The following ALK variants were observed in gnomAD, a reference collection of about 807,000 sequenced individuals.
The protein encoded by ALK is ALK receptor tyrosine kinase, also known as ALK tyrosine kinase receptor.
Under a neutral mutation model 163.1 loss-of-function variants are expected in ALK, and 74 were observed. The ratio of observed to expected loss-of-function variants is 0.45; its 90% CI spans 0.38 to 0.55. The LOEUF (loss-of-function observed/expected upper bound fraction) is 0.55. Among genes scored for constraint, ALK ranks in the 20% least tolerant of loss-of-function variants. The pLI is 0.00. For synonymous variants in ALK, 960 were observed against 843.2 expected (o/e 1.14, Z -2.40); for missense variants, 2,063 against 2,105.3 (o/e 0.98, Z 0.39).
chr2:29,405,201 AGATTAAT>A (rs1669554480), intron 4 of ALK, among the ~76,000 whole-genome samples: 1 of 152,220 alleles, frequency 6.6e-6, no homozygotes, highest in Admixed American at 6.5e-5. Context: ...TGTTCATTAA[AGATTAAT>A]GAGAGGCAGA....
chr2:29,534,044 G>C (rs1015842384), intron 3 of ALK, among the ~76,000 whole-genome samples: 2 of 152,200 alleles, frequency 1.3e-5, no homozygotes, highest in African/African-American at 4.8e-5. Context: ...TAGGACACTG[G>C]AGAGAAGACT....
At chr2:29,493,460 G>A (rs6547937) in intron 4 of ALK, among the ~76,000 whole-genome samples, 4 of 152,144 alleles carry the variant, frequency 2.6e-5, no homozygotes, top group East Asian at 3.9e-4. Context: ...ATAACAAAAC[G>A]AGTCCTTGTT....
chr2:29,325,473 G>A (rs1377685675), intron 6 of ALK, among the ~76,000 whole-genome samples: 1 of 152,202 alleles, frequency 6.6e-6, no homozygotes, highest in African/African-American at 2.4e-5. Flanking sequence ...TCACTTTACA[G>A]ATGAGGAACC....
At chr2:29,765,905 G>T (rs1293650127) in intron 1 of ALK, among the ~76,000 whole-genome samples, 27 of 152,120 alleles carry the variant, frequency 1.8e-4, no homozygotes, top group Admixed American at 1.8e-3. Flanking sequence ...ACATGGACTT[G>T]GAAAGAGATG....
At chr2:29,843,191 C>A (rs1665746178) in intron 1 of ALK, among the ~76,000 whole-genome samples, 1 of 151,796 alleles carries the variant, frequency 6.6e-6, no homozygotes, top group Non-Finnish European at 1.5e-5. Flanking sequence ...GGGAAAAGAC[C>A]CACCAGCTAG....
chr2:29,881,784 A>T (rs1206045471), intron 1 of ALK, among the ~76,000 whole-genome samples: 4 of 151,988 alleles, frequency 2.6e-5, no homozygotes, highest in Non-Finnish European at 4.4e-5. Flanking sequence ...GATCCTCTTC[A>T]CCTTTTCCAA....
intron 3 of ALK, among the ~76,000 whole-genome samples, chr2:29,636,325 A>C (rs1243390104): frequency 6.7e-6 from 1 of 149,226 alleles, no homozygotes; most frequent in African/African-American, 2.5e-5. Context: ...CCAGAGGCCA[A>C]AAATAAAGAA....
At chr2:29,568,074 TG>T (rs1484000101) in intron 3 of ALK, among the ~76,000 whole-genome samples, 2 of 152,192 alleles carry the variant, frequency 1.3e-5, no homozygotes, top group Non-Finnish European at 2.9e-5. Flanking sequence ...ATCCAATATC[TG>T]TACCAGCACA....
At chr2:29,673,157 G>A (rs149104861) in intron 3 of ALK, among the ~76,000 whole-genome samples, 91,656 of 144,976 alleles carry the variant, frequency 0.63, 33,245 homozygotes, top group Non-Finnish European at 0.79. Flanking sequence ...AGTTTCTTTC[G>A]CTGTACAGAA....
chr2:29,706,642 T>TGC (rs1678918761), intron 2 of ALK, among the ~76,000 whole-genome samples: 1 of 152,210 alleles, frequency 6.6e-6, no homozygotes, highest in African/African-American at 2.4e-5. Flanking sequence ...GCAGTGTGTG[T>TGC]GCGCACGTGC....
intron 3 of ALK, among the ~76,000 whole-genome samples, chr2:29,640,362 C>T (rs764407504): frequency 6.6e-6 from 1 of 152,134 alleles, no homozygotes; most frequent in Non-Finnish European, 1.5e-5. Flanking sequence ...TGGCACTGTC[C>T]GCATGAGGGT....
chr2:29,403,455 T>C (rs936514914), intron 4 of ALK, among the ~76,000 whole-genome samples: 2 of 152,146 alleles, frequency 1.3e-5, no homozygotes, highest in Non-Finnish European at 2.9e-5. Flanking sequence ...GAGGGTCTTT[T>C]TATTCTAAGT....
chr2:29,547,370 G>A (rs1673584051), intron 3 of ALK, among the ~76,000 whole-genome samples: 1 of 152,174 alleles, frequency 6.6e-6, no homozygotes, highest in South Asian at 2.1e-4. Flanking sequence ...GCCGAGGTGG[G>A]CAGATTGCCT....
intron 1 of ALK, among the ~76,000 whole-genome samples, chr2:29,796,872 CTA>C (rs758978497): frequency 2.0e-5 from 3 of 151,898 alleles, no homozygotes; most frequent in Non-Finnish European, 2.9e-5. Flanking sequence ...AAATAAAATT[CTA>C]TTAGTGTAAT....
intron 1 of ALK, among the ~76,000 whole-genome samples, chr2:29,776,986 A>G (rs1295756792): frequency 6.6e-6 from 1 of 152,044 alleles, no homozygotes; most frequent in Non-Finnish European, 1.5e-5. Context: ...CTGACCCCCA[A>G]TCTACCATCA....
intron 1 of ALK, among the ~76,000 whole-genome samples, chr2:29,731,053 G>A (rs1464188589): frequency 6.6e-6 from 1 of 152,184 alleles, no homozygotes; most frequent in Non-Finnish European, 1.5e-5. Context: ...GCATGGGTGA[G>A]TAAGGGCTTT....
intron 3 of ALK, among the ~76,000 whole-genome samples, chr2:29,646,671 T>C (rs1201165066): frequency 6.6e-6 from 1 of 152,098 alleles, no homozygotes; most frequent in Non-Finnish European, 1.5e-5. Context: ...TTCAGGGCCC[T>C]TGTGGTCATT....
chr2:29,574,846 A>G (rs1309697008), intron 3 of ALK, among the ~76,000 whole-genome samples: 1 of 152,208 alleles, frequency 6.6e-6, no homozygotes, highest in African/African-American at 2.4e-5. Context: ...ACAGTCCCAC[A>G]CACACCCTTT....
intron 1 of ALK, among the ~76,000 whole-genome samples, chr2:29,750,701 C>CAGGCAGA (rs1680339032): frequency 1.0e-5 from 1 of 96,444 alleles, no homozygotes; most frequent in Non-Finnish European, 2.2e-5. Context: ...GGAAGGAAGG[C>CAGGCAGA]AGGCAGGCAG....
Sources: allele counts gnomAD v4.1 joint callset (sites outside exome capture counted in the v4.1 genomes callset), GRCh38; gene constraint gnomAD v4.1.1; transcripts MANE v1.5; gene names NCBI Gene and HGNC (gene_info 2026-07-23, HGNC 2026-07-21).